Variants in SPATA17 observed in about 807,000 individuals in gnomAD.
SPATA17 encodes spermatogenesis-associated protein 17.
SPATA17 carries 53 observed loss-of-function variants against 62.2 expected under a neutral mutation model. The observed-to-expected ratio is 0.85, with a 90% CI of 0.68 to 1.07. SPATA17 has a LOEUF of 1.07. Among genes scored for constraint, SPATA17 ranks in the 50% least tolerant of loss-of-function variants. The pLI is 0.00. For missense variants in SPATA17, 466 were observed against 425.5 expected, an observed-to-expected ratio of 1.10 and a Z score of -0.84; for synonymous variants, 146 against 146.8, an observed-to-expected ratio of 0.99 and a Z score of 0.04.
chr1:217,733,914 C>T (rs61825784), intron 5 of SPATA17, among the ~76,000 whole-genome samples: 19,198 of 152,092 alleles, frequency 0.13, 1,274 homozygotes, highest in Non-Finnish European at 0.14. Flanking sequence ...TCATTTTAAA[C>T]GTATTTTCCC....
chr1:217,866,627 A>G (rs1174673535), intron 10 of SPATA17: 1 of 151,974 alleles, frequency 6.6e-6, no homozygotes, highest in Non-Finnish European at 1.5e-5. Flanking sequence ...TGCCCAGCTA[A>G]CTTTTTAATT....
At chr1:217,850,626 A>G (rs989538751) in intron 9 of SPATA17, 2 of 1,592,568 alleles carry the variant, frequency 1.3e-6, no homozygotes, top group Admixed American at 3.4e-5. Context: ...CTTCACGAAG[A>G]TCTGCATTTT....
intron 3 of SPATA17, among the ~76,000 whole-genome samples, chr1:217,667,456 A>G (rs1670725647): frequency 6.6e-6 from 1 of 152,186 alleles, no homozygotes; most frequent in Non-Finnish European, 1.5e-5. Context: ...TGAGCACCTT[A>G]GATACTTGAT....
chr1:217,755,424 ATC>A (rs1673018224), intron 6 of SPATA17, among the ~76,000 whole-genome samples: 1 of 152,036 alleles, frequency 6.6e-6, no homozygotes, highest in African/African-American at 2.4e-5. Flanking sequence ...ATTTGTGAAT[ATC>A]TCTGAGTGTA....
At chr1:217,839,231 C>G (rs1483975932) in intron 9 of SPATA17, among the ~76,000 whole-genome samples, 2 of 152,066 alleles carry the variant, frequency 1.3e-5, no homozygotes, top group South Asian at 2.1e-4. Flanking sequence ...TTTTAGTTAA[C>G]AGAGACTAGA....
rs546463920 is a variant in SPATA17, at chr1:217,838,655, C to T, written c.1006-24119C>T. Among the ~76,000 whole-genome samples, 3 of 152,116 alleles carry T rather than the reference C, an allele frequency of 2.0e-5. No homozygotes were observed. The South Asian group carries it at 6.2e-4, about 32-fold the overall frequency. ...GTGGCCCAAAGACAAAAAGAAATCA[C>T]TTTTGTTCTAAGGAAATTAAGCAGG... On this transcript the variant is annotated intron_variant, in intron 9 of 10. Transcript: ENST00000366933.
intron 8 of SPATA17, among the ~76,000 whole-genome samples, chr1:217,785,284 T>C (rs1673832773): frequency 1.3e-5 from 2 of 152,110 alleles, no homozygotes; most frequent in South Asian, 4.1e-4. Context: ...GTTCTCACAC[T>C]GCTATGAAGA....
chr1:217,712,130 T>TTTTTTTC (rs1671883110), intron 5 of SPATA17, among the ~76,000 whole-genome samples: 1 of 146,884 alleles, frequency 6.8e-6, no homozygotes, highest in Non-Finnish European at 1.5e-5. Flanking sequence ...AATATGTTCT[T>TTTTTTTC]TTGTTTTTTT....
At chr1:217,702,850 AT>A (rs957425280) in intron 5 of SPATA17, among the ~76,000 whole-genome samples, 6 of 149,262 alleles carry the variant, frequency 4.0e-5, no homozygotes, top group Non-Finnish European at 7.4e-5. Flanking sequence ...GAGATGACAA[AT>A]TTTTTTTTCA....
intron 9 of SPATA17, among the ~76,000 whole-genome samples, chr1:217,804,218 T>C (rs867435958): frequency 6.6e-5 from 10 of 152,064 alleles, no homozygotes; most frequent in South Asian, 2.1e-4. Flanking sequence ...CATCAAACAA[T>C]GGAATAGGAT....
At chr1:217,860,571 A>G (rs1277750495) in intron 9 of SPATA17, among the ~76,000 whole-genome samples, 1 of 152,170 alleles carries the variant, frequency 6.6e-6, no homozygotes, top group African/African-American at 2.4e-5. Flanking sequence ...CTCTATTGCT[A>G]GGCACTTTAT....
At chr1:217,862,224 T>TGC (rs1164118740) in intron 9 of SPATA17, among the ~76,000 whole-genome samples, 2 of 152,208 alleles carry the variant, frequency 1.3e-5, no homozygotes, top group Non-Finnish European at 2.9e-5. Context: ...TGTTTTAACA[T>TGC]ACATGAAAAG....
intron 9 of SPATA17, among the ~76,000 whole-genome samples, chr1:217,848,146 C>A (rs115068332): frequency 3.3e-5 from 5 of 152,224 alleles, no homozygotes; most frequent in Non-Finnish European, 5.9e-5. Flanking sequence ...TTCTTTTTTA[C>A]TTTATTGATA....
intron 5 of SPATA17, among the ~76,000 whole-genome samples, chr1:217,688,445 A>G (rs1248427863): frequency 6.6e-6 from 1 of 152,170 alleles, no homozygotes; most frequent in East Asian, 1.9e-4. Context: ...TCTTCAAAAC[A>G]GTGTTAAGAG....
intron 9 of SPATA17, among the ~76,000 whole-genome samples, chr1:217,853,062 C>T (rs1400049982): frequency 6.6e-6 from 1 of 152,082 alleles, no homozygotes; most frequent in Non-Finnish European, 1.5e-5. Context: ...GCCTAGAATA[C>T]TGCTTGGCTT....
chr1:217,845,258 T>C (rs902804994), intron 9 of SPATA17, among the ~76,000 whole-genome samples: 1 of 152,102 alleles, frequency 6.6e-6, no homozygotes, highest in Non-Finnish European at 1.5e-5. Context: ...GCCTATATAA[T>C]TTTTTCCCTC....
At chr1:217,701,286 G>T (rs80302342) in intron 5 of SPATA17, among the ~76,000 whole-genome samples, 28,665 of 151,056 alleles carry the variant, frequency 0.19, 3,029 homozygotes, top group African/African-American at 0.29. Flanking sequence ...TTCACATATA[G>T]ATATGTGTGT....
At chr1:217,850,663 G>A in intron 9 of SPATA17, 2 of 1,536,970 alleles carry the variant, frequency 1.3e-6, no homozygotes, top group East Asian at 2.3e-5. Flanking sequence ...CGAGGATGCT[G>A]CGAATCGCCA....
chr1:217,669,138 G>A (rs917474234), intron 4 of SPATA17, 55 bp downstream of exon 4: 100 of 1,509,396 alleles, frequency 6.6e-5, no homozygotes, highest in South Asian at 1.1e-4. Context: ...CCCTGAATTC[G>A]CTTTTAATAA....
Sources: allele counts gnomAD v4.1 joint callset (sites outside exome capture counted in the v4.1 genomes callset), GRCh38; gene constraint gnomAD v4.1.1; transcripts MANE v1.5; gene names NCBI Gene and HGNC (gene_info 2026-07-23, HGNC 2026-07-21).